Variants in RHNO1 observed in about 807,000 individuals in gnomAD.
RHNO1 encodes RAD9-HUS1-RAD1 interacting nuclear orphan 1.
A neutral mutation model predicts 7.2 loss-of-function variants in RHNO1; 9 were observed. The observed-to-expected ratio is 1.25, with a 90% CI of 0.75 to 2.18. The LOEUF (loss-of-function observed/expected upper bound fraction) is 2.18, where lower values mean the gene tolerates loss of function less well. RHNO1 is among the 30% of genes most tolerant of loss of function. RHNO1 has a pLI of 0.00. For synonymous variants in RHNO1, 95 were observed against 107.5 expected (o/e 0.88, Z 0.72); for missense variants, 292 against 284.5 (o/e 1.03, Z -0.19).
intron 1 of RHNO1, among the ~76,000 whole-genome samples, chr12:2,882,173 G>C (rs925704504): frequency 6.6e-6 from 1 of 151,780 alleles, no homozygotes; most frequent in Non-Finnish European, 1.5e-5. Context: ...CAGGCGTGGT[G>C]GCTCATGCCT....
chr12:2,886,655 C>CAAAAAAA (rs11441422), intron 2 of RHNO1, among the ~76,000 whole-genome samples: 2 of 95,354 alleles, frequency 2.1e-5, no homozygotes, highest in Non-Finnish European at 4.3e-5. Context: ...GACCCTGTCT[C>CAAAAAAA]AAAAAAAAAA....
At chr12:2,879,971 G>A (rs1377661727) in intron 1 of RHNO1, among the ~76,000 whole-genome samples, 1 of 151,984 alleles carries the variant, frequency 6.6e-6, no homozygotes, top group Non-Finnish European at 1.5e-5. Flanking sequence ...TGTATTCTTT[G>A]TCAAGTAGGA....
chr12:2,883,736 G>A (rs996759920), intron 1 of RHNO1, among the ~76,000 whole-genome samples: 17 of 151,188 alleles, frequency 1.1e-4, no homozygotes, highest in Admixed American at 5.3e-4. Flanking sequence ...GGCTGGTCTC[G>A]AACTCCCGAC....
At chr12:2,881,902 CAAAAAAA>C (rs1208946857) in intron 1 of RHNO1, among the ~76,000 whole-genome samples, 1 of 119,680 alleles carries the variant, frequency 8.4e-6, no homozygotes, top group East Asian at 2.4e-4. Context: ...AAGACTCCAT[CAAAAAAA>C]AAAAAAAGAA....
chr12:2,887,036 T>C (rs1388507678), intron 2 of RHNO1: 4 of 453,900 alleles, frequency 8.8e-6, no homozygotes, highest in South Asian at 1.6e-5. Flanking sequence ...CCTCATGAAG[T>C]TTAAAGATAA....
chr12:2,884,316 C>T (rs2098162785), intron 1 of RHNO1, among the ~76,000 whole-genome samples: 1 of 152,326 alleles, frequency 6.6e-6, no homozygotes, highest in South Asian at 2.1e-4. Flanking sequence ...TCATTGCAAC[C>T]TCCATCTCCT....
At chr12:2,879,692 T>C (rs1486157451) in intron 1 of RHNO1, among the ~76,000 whole-genome samples, 13 of 151,700 alleles carry the variant, frequency 8.6e-5, no homozygotes, top group Admixed American at 8.6e-4. Flanking sequence ...AGGTAGGTAA[T>C]GGGATATTTG....
chr12:2,888,137 T>G lies in RHNO1; in HGVS notation c.395T>G (p.Leu132Arg), dbSNP rs139680365. 3.0e-4 allele frequency: 490 copies of G among 1,613,990 alleles called. 2 individuals are homozygous for G. In the Middle Eastern group the frequency reaches 6.3e-3, roughly 21 times the overall value. The stretch of plus-strand genomic sequence containing the variant: ...TCCAGAAGACCCTTAGTTCCAGTGC[T>G]CAGTCCCCAAAGCTGTGGGAACATG... ...DVSRRPLVPV[L>R]SPQSCGNMSV... is the part of the protein sequence containing the mutation. Residue 132 changes from leucine (L) to arginine (R), a missense_variant, in exon 3 of 3, where the codon CTC becomes CGC. By Grantham distance (102) the Leu-to-Arg change is moderately radical. Coordinates refer to ENST00000489288, the MANE Select transcript of RHNO1 (RefSeq NM_001252499.3).
intron 2 of RHNO1, chr12:2,887,042 GATAA>G (rs1344080434): frequency 4.4e-6 from 2 of 453,356 alleles, no homozygotes; most frequent in Non-Finnish European, 8.9e-6. Context: ...GAAGTTTAAA[GATAA>G]ATAAGTTATA....
upstream of RHNO1, chr12:2,877,018 T>TCGCGCCGGACCGGCCGGGTCCC (rs1233288866): frequency 6.6e-6 from 1 of 150,926 alleles, no homozygotes; most frequent in Non-Finnish European, 1.5e-5. Flanking sequence ...GGACGGGGGC[T>TCGCGCCGGACCGGCCGGGTCCC]CGCGCCGGAC....
At chr12:2,885,897 GGTTTTCC>G in intron 2 of RHNO1, 2 of 98,610 alleles carry the variant, frequency 2.0e-5, no homozygotes, top group African/African-American at 9.6e-5. Flanking sequence ...TACTCTGTTA[GGTTTTCC>G]AGAATGCTGA....
upstream of RHNO1, chr12:2,877,067 C>T (rs1031309858): frequency 8.7e-5 from 13 of 148,894 alleles, no homozygotes; most frequent in African/African-American, 2.9e-4. Context: ...GTGGGAACCC[C>T]GGGGGATCCC....
At chr12:2,883,665 T>C (rs7307969) in intron 1 of RHNO1, among the ~76,000 whole-genome samples, 66,401 of 149,964 alleles carry the variant, frequency 0.44, 15,567 homozygotes, top group East Asian at 0.64. Flanking sequence ...TACAGGCATG[T>C]GCCACCACGC....
At chr12:2,879,546 C>G (rs1167165646) in intron 1 of RHNO1, among the ~76,000 whole-genome samples, 5 of 151,740 alleles carry the variant, frequency 3.3e-5, no homozygotes, top group African/African-American at 1.2e-4. Flanking sequence ...GTTGCCCAGG[C>G]TGGTCTCAAA....
At chr12:2,879,909 A>G (rs1204427248) in intron 1 of RHNO1, among the ~76,000 whole-genome samples, 1 of 152,070 alleles carries the variant, frequency 6.6e-6, no homozygotes, top group African/African-American at 2.4e-5. Flanking sequence ...TGATACGCAT[A>G]GGTTTGTATA....
At chr12:2,881,311 C>T (rs1219312181) in intron 1 of RHNO1, among the ~76,000 whole-genome samples, 2 of 151,904 alleles carry the variant, frequency 1.3e-5, no homozygotes, top group East Asian at 3.9e-4. Context: ...CCATGTTGGG[C>T]AGGCTGGTCT....
intron 1 of RHNO1, among the ~76,000 whole-genome samples, chr12:2,879,131 C>T (rs913700277): frequency 6.6e-6 from 1 of 151,550 alleles, no homozygotes; most frequent in African/African-American, 2.4e-5. Flanking sequence ...TCCTGAATGG[C>T]TGGGACCCCC....
intron 1 of RHNO1, among the ~76,000 whole-genome samples, chr12:2,880,506 A>G (rs2098156100): frequency 6.6e-6 from 1 of 151,746 alleles, no homozygotes; most frequent in African/African-American, 2.4e-5. Context: ...AATCCCAGCT[A>G]CTTGGGAGAG....
Position 2,888,040 on chromosome 12 carries a change from C to T in RHNO1, c.298C>T (p.Gln100Ter), listed in dbSNP as rs2098167710. Residue 100 changes from glutamine (Q) to a stop codon, truncating the protein, a stop_gained, in exon 3 of 3, where the codon CAA (glutamine) becomes TAA (stop). Coordinates refer to ENST00000489288, the MANE Select transcript of RHNO1 (RefSeq NM_001252499.3). LOFTEE classifies it low-confidence loss of function (END_TRUNC). ...KFPHLTFESP[Q>*]SSSSETLGIP... ...TCCACATCTAACTTTTGAGAGTCCG[C>T]AATCTTCCAGTTCAGAGACATTGGG... is the stretch of plus-strand genomic sequence containing the variant. 1 of 1,614,130 alleles carries T rather than the reference C, an allele frequency of 6.2e-7. No homozygotes were observed. Among genetic ancestry groups the T allele is most frequent in the Admixed American group, 1.7e-5 (1 of 59,994 alleles).
Sources: allele counts gnomAD v4.1 joint callset (sites outside exome capture counted in the v4.1 genomes callset), GRCh38; gene constraint gnomAD v4.1.1; transcripts MANE v1.5; gene names NCBI Gene and HGNC (gene_info 2026-07-23, HGNC 2026-07-21).